Variants in SOS1 observed in about 807,000 individuals in gnomAD.
The protein encoded by SOS1 is son of sevenless homolog 1.
A neutral mutation model predicts 157.6 loss-of-function variants in SOS1; 25 were observed. That is an observed-to-expected ratio of 0.16 (90% confidence interval 0.12 to 0.22). The LOEUF (loss-of-function observed/expected upper bound fraction) is 0.22. Ranked by LOEUF, SOS1 falls within the 10% of genes least tolerant of loss-of-function variation. SOS1 has a pLI of 1.00. For synonymous variants in SOS1, 528 were observed against 534.0 expected, an observed-to-expected ratio of 0.99 and a Z score of 0.16; for missense variants, 1,237 against 1,599.1, an observed-to-expected ratio of 0.77 and a Z score of 3.86.
chr2:39,002,250 G>A (rs991200603), intron 17 of SOS1, among the ~76,000 whole-genome samples: 7 of 151,844 alleles, frequency 4.6e-5, no homozygotes, highest in Admixed American at 3.9e-4. Context: ...TGCTGAACCC[G>A]GGAGGCAGAG....
In SOS1 at chr2:39,120,836, C is replaced by A. The variant is rs1002744865; in HGVS notation, c.-414G>T. ...GGGGAGGACGTGTGGAGGGACGCTC[C>A]GGCCGCGGCGCCCGCTCCGCGTAGT... On this transcript the variant is annotated 5_prime_UTR_variant, in exon 1 of 23. Transcript: ENST00000402219. Among the ~76,000 whole-genome samples, 2 of 151,122 alleles carry A rather than the reference C, an allele frequency of 1.3e-5. No homozygotes were observed. The highest frequency in any genetic ancestry group is 4.9e-5 in the African/African-American group (2 of 41,220).
chr2:39,030,038 G>A (rs1468739032), intron 8 of SOS1, among the ~76,000 whole-genome samples: 1 of 151,864 alleles, frequency 6.6e-6, no homozygotes, highest in Non-Finnish European at 1.5e-5. Context: ...CAGGCGTGGT[G>A]GCATGTGCCT....
chr2:38,997,264 A>C lies in SOS1; in HGVS notation c.2953T>G (p.Ser985Ala), dbSNP rs754676663. 5.6e-6 allele frequency: 9 copies of C among 1,608,308 alleles called. No homozygotes were observed. The African/African-American group carries it at 9.4e-5, about 17-fold the overall frequency. Residue 985 changes from serine to alanine, a missense_variant, in exon 18 of 23, where the codon TCA becomes GCA. Ser to Ala is a moderately conservative substitution (Grantham distance 99, BLOSUM62 1). Around this residue, in one of 15 missense-constraint regions of SOS1, gnomAD observed 34 missense variants for 28.1 expected, o/e 1.21. Coordinates refer to ENST00000402219, the MANE Select transcript of SOS1 (RefSeq NM_005633.4). ...QNQPYCLRVE[S>A]DIKRFFENLN... is the part of the protein sequence containing the mutation. Reference sequence around the variant, plus strand: ...ATAATTCAACTTACTTTGATATCTGATTCTACTCGTAAACAGTAAGGCTGA... The same window carrying C: ...ATAATTCAACTTACTTTGATATCTGCTTCTACTCGTAAACAGTAAGGCTGA...
At chr2:39,120,079 C>G (rs1331832697) in intron 1 of SOS1, among the ~76,000 whole-genome samples, 1 of 152,164 alleles carries the variant, frequency 6.6e-6, no homozygotes, top group Admixed American at 6.5e-5. Flanking sequence ...AATCAAAGGG[C>G]AAAGCATTCA....
chr2:38,986,630 T>C (rs1668568093), intron 22 of SOS1, among the ~76,000 whole-genome samples: 1 of 152,066 alleles, frequency 6.6e-6, no homozygotes, highest in South Asian at 2.1e-4. Context: ...CATGCCTGGC[T>C]AATTTTTTTC....
At chr2:39,109,174 G>A (rs79361942) in intron 1 of SOS1, among the ~76,000 whole-genome samples, 10,130 of 152,152 alleles carry the variant, frequency 0.067, 457 homozygotes, top group East Asian at 0.19. Context: ...ACTCCAGCCT[G>A]GATGACAGAG....
At chr2:39,001,394 T>C (rs558791352) in intron 17 of SOS1, among the ~76,000 whole-genome samples, 1 of 152,296 alleles carries the variant, frequency 6.6e-6, no homozygotes, top group East Asian at 1.9e-4. Context: ...CACCTATCCA[T>C]TCTCCTATCA....
Position 39,107,059 on chromosome 2 carries a change from T to C in SOS1, c.87+13277A>G, listed in dbSNP as rs551063897. On this transcript the variant is annotated intron_variant, in intron 1 of 22. Transcript: ENST00000402219. ...TCAATGAAAATTAATTTCTGACTTT[T>C]AAGAATTCACCTTAAGGCATCCTTT... Among the ~76,000 whole-genome samples the C allele has an allele frequency of 2.6e-5, 4 of 152,324 alleles. No homozygotes were observed. In the South Asian group the frequency reaches 8.3e-4, roughly 32 times the overall value.
intron 10 of SOS1, among the ~76,000 whole-genome samples, chr2:39,015,802 CTTTTTTTTTT>C (rs1054843148): frequency 4.8e-4 from 42 of 87,420 alleles, no homozygotes; most frequent in African/African-American, 1.8e-3. Flanking sequence ...AATTGTAAAT[CTTTTTTTTTT>C]TTTTTTTTTT....
intron 10 of SOS1, among the ~76,000 whole-genome samples, chr2:39,019,861 C>T (rs1669741919): frequency 6.6e-6 from 1 of 151,476 alleles, no homozygotes; most frequent in Non-Finnish European, 1.5e-5. Flanking sequence ...CTGACAATAT[C>T]TTCATAGTAC....
chr2:39,026,937 A>C (rs901676429), intron 8 of SOS1, among the ~76,000 whole-genome samples: 4 of 152,228 alleles, frequency 2.6e-5, no homozygotes, highest in Admixed American at 6.5e-5. Context: ...GGGGTTAGAC[A>C]AGCTTGCTGT....
At chr2:39,116,424 C>G (rs1369004421) in intron 1 of SOS1, among the ~76,000 whole-genome samples, 1 of 152,164 alleles carries the variant, frequency 6.6e-6, no homozygotes, top group African/African-American at 2.4e-5. Flanking sequence ...TCAAATGCAC[C>G]CTTAGTTCAA....
chr2:39,122,662 T>A (rs1405108861), upstream of SOS1, among the ~76,000 whole-genome samples: 1 of 152,128 alleles, frequency 6.6e-6, no homozygotes, highest in East Asian at 1.9e-4. Context: ...ACTTTCAAAG[T>A]GTGTGGAATG....
At chr2:39,006,822 T>A (rs1241364608) in intron 16 of SOS1, among the ~76,000 whole-genome samples, 1 of 152,208 alleles carries the variant, frequency 6.6e-6, no homozygotes, top group Non-Finnish European at 1.5e-5. Context: ...TTCTTCTAGC[T>A]TAGGCTGGGA....
At chr2:39,062,435 T>TAA (rs397974197) in intron 2 of SOS1, among the ~76,000 whole-genome samples, 70 of 138,506 alleles carry the variant, frequency 5.1e-4, no homozygotes, top group East Asian at 8.2e-4. Flanking sequence ...AAAAAAAAAT[T>TAA]AAAAAAAAAA....
chr2:39,120,350 G>T lies in SOS1; in HGVS notation c.73C>A (p.Pro25Thr). 1 of 1,589,330 alleles carries T rather than the reference G, an allele frequency of 6.3e-7. No homozygotes were observed. The highest frequency in any genetic ancestry group is 2.3e-5 in the East Asian group (1 of 43,096). Reference protein sequence around the residue: ...NAPKWRGLLVPALKKVQGQVH... With the variant: ...NAPKWRGLLVTALKKVQGQVH... ...GTGCTCCTCACCTTTTTCAGCGCAG[G>T]CACCAGTAGTCCCCGCCACTTGGGC... Residue 25 changes from proline to threonine, a missense_variant, in exon 1 of 23, where the codon CCT becomes ACT. By Grantham distance (38) the Pro-to-Thr change is conservative (BLOSUM62 -1). Transcript: ENST00000402219.
chr2:39,011,130 C>T (rs993345369), intron 14 of SOS1, among the ~76,000 whole-genome samples: 7 of 152,076 alleles, frequency 4.6e-5, no homozygotes, highest in Admixed American at 1.3e-4. Flanking sequence ...CTCCTGACCT[C>T]GGATGATCCA....
At chr2:39,000,964 A>G (rs1252539462) in intron 17 of SOS1, among the ~76,000 whole-genome samples, 1 of 152,264 alleles carries the variant, frequency 6.6e-6, no homozygotes, top group Non-Finnish European at 1.5e-5. Context: ...GGAGGACACA[A>G]GATCAGAGCT....
intron 2 of SOS1, among the ~76,000 whole-genome samples, chr2:39,063,254 G>T (rs1230265813): frequency 1.3e-5 from 2 of 151,834 alleles, no homozygotes; most frequent in African/African-American, 4.8e-5. Flanking sequence ...TCCTAAGTAG[G>T]TGGGAGTACA....
Sources: allele counts gnomAD v4.1 joint callset (sites outside exome capture counted in the v4.1 genomes callset), GRCh38; gene constraint gnomAD v4.1.1; regional missense constraint gnomAD v4.1.1; transcripts MANE v1.5; gene names NCBI Gene and HGNC (gene_info 2026-07-23, HGNC 2026-07-21).